The following DNAH10 variants were observed in gnomAD, a reference collection of about 807,000 sequenced individuals.
DNAH10 encodes the protein axonemal beta dynein heavy chain 10.
Under a neutral mutation model 506.6 loss-of-function variants are expected in DNAH10, and 348 were observed. The observed-to-expected ratio is 0.69, with a 90% confidence interval of 0.63 to 0.75. The LOEUF is 0.75. DNAH10 is among the 30% of genes least tolerant of loss of function. The probability of loss-of-function intolerance (pLI) is 0.00; values close to 1 mark genes in which losing one functional copy is unlikely to be tolerated. For missense variants in DNAH10, 5,179 were observed against 5,787.1 expected, an observed-to-expected ratio of 0.89 and a Z score of 3.41; for synonymous variants, 2,059 against 2,198.6, an observed-to-expected ratio of 0.94 and a Z score of 1.78.
Position 123,928,918 on chromosome 12 carries a change from TACATGCC to T in DNAH10, c.12306+332_12306+338del. ...CTGACTGCAGGAGTTTCGCGTGGTT[TACATGCC>T]CCATTTAATTTATTCTCCGGGAAAT... On this transcript the variant is annotated intron_variant, in intron 70 of 78. Coordinates refer to ENST00000673944, the MANE Select transcript of DNAH10 (RefSeq NM_001372106.1). This position sits in a 1 kb window ranked among gnomAD's most constrained non-coding sequence, Gnocchi z 4.9. 4.3e-6 allele frequency: 2 copies of T among 469,490 alleles called. No individual in the cohort carries two copies. Among genetic ancestry groups the T allele is most frequent in the Non-Finnish European group, 7.6e-6 (2 of 264,556 alleles). The allele number at this position is 469,490 out of a possible 1,614,324, so 29.1% of individuals were successfully genotyped here.
In DNAH10 at chr12:123,850,024, C is replaced by CCTGGGCCAT. The variant is rs1190315067; in HGVS notation, c.6103-847_6103-839dup. ...GAGGCAGCAGCTATCTGCTCTTCCC[C>CCTGGGCCAT]CTGGGCCATCTGGGCCATCTGGGCC... On this transcript the variant is annotated intron_variant, in intron 34 of 78. Coordinates refer to ENST00000673944, the MANE Select transcript of DNAH10 (RefSeq NM_001372106.1). This position sits in a 1 kb window ranked among gnomAD's most constrained non-coding sequence, Gnocchi z 5.5. 1.2e-4 allele frequency among the ~76,000 whole-genome samples: 18 copies of CCTGGGCCAT among 152,102 alleles called. No individual in the cohort carries two copies. Among genetic ancestry groups the CCTGGGCCAT allele is most frequent in the African/African-American group, 4.3e-4 (18 of 41,410 alleles).
intron 51 of DNAH10, among the ~76,000 whole-genome samples, chr12:123,884,206 T>A (rs1226307028): frequency 6.6e-6 from 1 of 152,214 alleles, no homozygotes; most frequent in Non-Finnish European, 1.5e-5. Context: ...GGCTAACTTT[T>A]GTATTTTTAC....
chr12:123,906,047 A>G (rs1469478755), intron 57 of DNAH10, among the ~76,000 whole-genome samples: 1 of 150,076 alleles, frequency 6.7e-6, no homozygotes, highest in Admixed American at 6.7e-5. Flanking sequence ...CCTCCTGAGT[A>G]GCTCCAGCCT....
intron 1 of DNAH10, 143 bp from the exon 2 acceptor site, chr12:123,767,463 A>C (rs1957090300): frequency 1.4e-6 from 1 of 713,404 alleles, no homozygotes; most frequent in African/African-American, 1.8e-5. Context: ...CCAGTAAGGA[A>C]TACTGCTGTA....
chr12:123,935,488 G>A lies in DNAH10; in HGVS notation c.*7G>A. On this transcript the variant is annotated 3_prime_UTR_variant, in exon 79 of 79. Transcript: ENST00000673944. ...CACCCTGAATTCTGATTAACCTTTG[G>A]GTGAAGAAAACTGCTTAATGAATTC... The A allele has an allele frequency of 6.3e-7, 1 of 1,575,368 alleles. No individual in the cohort carries two copies. The highest frequency in any genetic ancestry group is 8.7e-7 in the Non-Finnish European group (1 of 1,149,186).
rs762046971 is a variant in DNAH10 at position 123,931,430 on chromosome 12, C to T, written c.12874C>T (p.Arg4292Ter). 62 of 1,613,810 alleles carry T rather than the reference C, an allele frequency of 3.8e-5. No individual in the cohort carries two copies. The Admixed American group carries it at 5.2e-4, about 13-fold the overall frequency. Reference sequence around the variant, plus strand: ...GATTGGCTATTACACGCAGGCGGCTCGAGACATGTGGGCTCACCTGCTGGA... The same window carrying T: ...GATTGGCTATTACACGCAGGCGGCTTGAGACATGTGGGCTCACCTGCTGGA... ...AEIGYYTQAA[R>*]DMWAHLLELQ... Residue 4292 changes from arginine to a stop codon, truncating the protein, a stop_gained, in exon 74 of 79, where the codon CGA (arginine) becomes TGA (stop). Transcript: ENST00000673944. LOFTEE classifies it high-confidence loss of function.
intron 43 of DNAH10, among the ~76,000 whole-genome samples, chr12:123,868,887 A>T (rs1951915049): frequency 6.6e-6 from 1 of 152,224 alleles, no homozygotes; most frequent in African/African-American, 2.4e-5. Flanking sequence ...GCACTTTTCC[A>T]GAACTGAAAT....
In DNAH10 at chr12:123,875,095, G is replaced by C. The variant is rs1952199112; in HGVS notation, c.7939-136G>C. ...TATATACAGTTGCAACCTTTGAGAA[G>C]CCCCATGAAACTGAAACCGAGGTGC... On this transcript the variant is annotated intron_variant, in intron 46 of 78. Coordinates refer to ENST00000673944, the MANE Select transcript of DNAH10 (RefSeq NM_001372106.1). 6.4e-6 allele frequency: 6 copies of C among 943,308 alleles called. No individual in the cohort carries two copies. The Admixed American group carries it at 1.7e-4, about 27-fold the overall frequency. The allele number at this position is 943,308 out of a possible 1,614,324, so 58.4% of individuals were successfully genotyped here. A position where few individuals can be genotyped will look rare whatever the true frequency, so the allele number is the denominator to read the frequency against.
chr12:123,856,162 ATAAT>A (rs552313127), intron 36 of DNAH10, among the ~76,000 whole-genome samples: 92 of 147,352 alleles, frequency 6.2e-4, no homozygotes, highest in African/African-American at 2.2e-3. Flanking sequence ...TAATACAAAT[ATAAT>A]TAATTTATAT....
intron 54 of DNAH10, among the ~76,000 whole-genome samples, chr12:123,896,148 C>CACACAGAGAG (rs1383690518): frequency 2.9e-4 from 28 of 95,302 alleles, no homozygotes; most frequent in South Asian, 7.4e-4. Context: ...CACACACACA[C>CACACAGAGAG]AGAGAGAGAG....
In DNAH10 at chr12:123,813,461, A is replaced by G. The variant is rs2136360192; in HGVS notation, c.3442A>G (p.Lys1148Glu). ...AYDEKLQFYS[K>E]IAYEVMRHPL... ...TGATGAAAAGTTGCAGTTCTATTCC[A>G]AGATAGCTTATGAGGTTATGCGCCA... is the stretch of plus-strand genomic sequence containing the variant. Residue 1148 changes from lysine (K) to glutamate (E), a missense_variant, in exon 20 of 79, where the codon AAG becomes GAG. By Grantham distance (56) the Lys-to-Glu change is moderately conservative (BLOSUM62 1). This residue lies in a region of DNAH10 where 4,844 missense variants were observed against 5,430.5 expected (regional missense o/e 0.89). Transcript: ENST00000673944. The G allele has an allele frequency of 1.2e-6, 2 of 1,614,236 alleles. No individual in the cohort carries two copies. Among genetic ancestry groups the G allele is most frequent in the East Asian group, 2.2e-5 (1 of 44,886 alleles).
chr12:123,896,142 CACACACAGAGAGAGAGAGAGAG>C (rs1332814429), intron 54 of DNAH10, among the ~76,000 whole-genome samples: 5 of 113,668 alleles, frequency 4.4e-5, no homozygotes, highest in Admixed American at 4.3e-4. Flanking sequence ...CACACACACA[CACACACAGAGAGAGAGAGAGAG>C]AGAGAGAGAG....
chr12:123,823,922 C>G (rs1959697948), intron 24 of DNAH10, among the ~76,000 whole-genome samples: 1 of 152,152 alleles, frequency 6.6e-6, no homozygotes. Flanking sequence ...CTTGGTCCCC[C>G]CAGCCTACTC....
In DNAH10 at chr12:123,931,420, G is replaced by A. The variant is rs775729732; in HGVS notation, c.12864G>A (p.Thr4288=). The change falls in exon 74 of 79, where the codon ACG becomes ACA. Residue 4288 remains threonine, a synonymous_variant. Transcript: ENST00000673944. ...CCAACGCTGAGATTGGCTATTACAC[G>A]CAGGCGGCTCGAGACATGTGGGCTC... ...LHPNAEIGYY[T]QAARDMWAHL... The A allele has an allele frequency of 7.4e-6, 12 of 1,613,888 alleles. No homozygotes were observed. The highest frequency in any genetic ancestry group is 2.2e-5 in the East Asian group (1 of 44,896).
At chr12:123,833,036 T>C in intron 26 of DNAH10, 78 bp from the exon 27 acceptor site, 2 of 1,102,390 alleles carry the variant, frequency 1.8e-6, no homozygotes, top group Middle Eastern at 2.0e-4. Context: ...AAAAGCAAGC[T>C]AAGGAAGGTG....
chr12:123,821,667 A>AT (rs200809125), intron 24 of DNAH10, among the ~76,000 whole-genome samples: 2,228 of 150,540 alleles, frequency 0.015, 46 homozygotes, highest in African/African-American at 0.048. Context: ...TAAAATGACA[A>AT]TTTTTTTTTT....
In DNAH10 at chr12:123,909,240, C is replaced by CGT. The variant is rs142628265; in HGVS notation, c.9816-19_9816-18dup. ...GGCCACATCCCGGGGTTGTGACCCA[C>CGT]GTGCCTTGGTTTCTTGCCAGGTCGT... On this transcript the variant is annotated intron_variant, in intron 57 of 78. Transcript: ENST00000673944. The surrounding 1 kb of genome is among the most constrained non-coding windows in gnomAD (Gnocchi z 5.4). 5,175 of 1,609,710 alleles carry CGT rather than the reference C, an allele frequency of 3.2e-3. 149 individuals are homozygous for CGT. In the African/African-American group the frequency reaches 0.06, roughly 19 times the overall value.
chr12:123,862,951 C>CA (rs930011652), intron 39 of DNAH10, among the ~76,000 whole-genome samples: 2 of 151,594 alleles, frequency 1.3e-5, no homozygotes, highest in South Asian at 2.1e-4. Context: ...GCGAATGTGG[C>CA]AAAAAAACGT....
intron 43 of DNAH10, among the ~76,000 whole-genome samples, chr12:123,869,107 G>A (rs1167659589): frequency 2.6e-5 from 4 of 152,108 alleles, no homozygotes; most frequent in South Asian, 2.1e-4. Flanking sequence ...TCGAGCATAC[G>A]CTTGACGGTG....
Sources: allele counts gnomAD v4.1 joint callset (sites outside exome capture counted in the v4.1 genomes callset), GRCh38; gene constraint gnomAD v4.1.1; regional missense constraint gnomAD v4.1.1; non-coding constraint Gnocchi (gnomAD v3.1); transcripts MANE v1.5; gene names NCBI Gene and HGNC (gene_info 2026-07-23, HGNC 2026-07-21).